The following HDAC9 variants were observed in gnomAD, a reference collection of about 807,000 sequenced individuals.
HDAC9 encodes the protein histone deacetylase 9.
In HDAC9, 41 loss-of-function variants were observed where a neutral mutation model predicts 139.4. That is an observed-to-expected ratio of 0.29 (90% CI 0.23 to 0.38). HDAC9 has a LOEUF of 0.38. Among genes scored for constraint, HDAC9 ranks in the 10% least tolerant of loss-of-function variants. The pLI is 1.00. For missense variants in HDAC9, 1,147 were observed against 1,297.0 expected, an observed-to-expected ratio of 0.88 and a Z score of 1.78; for synonymous variants, 517 against 476.2, an observed-to-expected ratio of 1.09 and a Z score of -1.12.
At chr7:18,796,030 C>T (rs992314555) in intron 17 of HDAC9, among the ~76,000 whole-genome samples, 22 of 152,210 alleles carry the variant, frequency 1.4e-4, no homozygotes, top group African/African-American at 5.1e-4. Flanking sequence ...TCAGTTCTCA[C>T]ATATTCTATC....
rs372385522 is a variant in HDAC9, at chr7:18,734,315, G to T, written c.1909+6558G>T. On this transcript the variant is annotated intron_variant, in intron 13 of 25. Coordinates refer to ENST00000686413, the MANE Select transcript of HDAC9 (RefSeq NM_178425.4). ...TACATAGGTACACATGTGCCATGTT[G>T]GTTTGCCGTACCCATCAACTTATCA... 1.1e-4 allele frequency among the ~76,000 whole-genome samples: 16 copies of T among 152,186 alleles called. 1 individual carries two copies. Among genetic ancestry groups the T allele is most frequent in the African/African-American group, 3.4e-4 (14 of 41,514 alleles).
At chr7:18,326,859 A>G (rs1221918692) in intron 1 of HDAC9, among the ~76,000 whole-genome samples, 1 of 152,014 alleles carries the variant, frequency 6.6e-6, no homozygotes, top group Non-Finnish European at 1.5e-5. Flanking sequence ...GGGAGAACTG[A>G]TGATGGGTAG....
chr7:18,991,701 T>C (rs927290151), intron 25 of HDAC9, among the ~76,000 whole-genome samples: 8 of 152,170 alleles, frequency 5.3e-5, no homozygotes, highest in Admixed American at 1.3e-4. Context: ...CACATACTTA[T>C]GAAAGTCATT....
At chr7:18,174,341 C>T (rs1380898122) in intron 2 of HDAC9, among the ~76,000 whole-genome samples, 3 of 152,106 alleles carry the variant, frequency 2.0e-5, no homozygotes, top group Non-Finnish European at 4.4e-5. Flanking sequence ...TTCTAGTGAG[C>T]CATTTGTCTA....
At chr7:18,737,903 T>A (rs980511608) in intron 13 of HDAC9, among the ~76,000 whole-genome samples, 6 of 152,184 alleles carry the variant, frequency 3.9e-5, no homozygotes, top group Non-Finnish European at 2.9e-5. Flanking sequence ...TAAGTCTCTT[T>A]GTATGTCTCT....
At chr7:18,163,567 C>A (rs1408941325) in intron 2 of HDAC9, among the ~76,000 whole-genome samples, 1 of 152,134 alleles carries the variant, frequency 6.6e-6, no homozygotes, top group South Asian at 2.1e-4. Context: ...GGGGACCACA[C>A]TTTGGGAATC....
chr7:18,418,308 A>G (rs1789283037), intron 1 of HDAC9, among the ~76,000 whole-genome samples: 1 of 152,170 alleles, frequency 6.6e-6, no homozygotes, highest in Admixed American at 6.5e-5. Flanking sequence ...TCAGAGAGTA[A>G]AACTCAAGAG....
intron 16 of HDAC9, among the ~76,000 whole-genome samples, chr7:18,778,093 T>G (rs1790932592): frequency 6.6e-6 from 1 of 151,956 alleles, no homozygotes; most frequent in Non-Finnish European, 1.5e-5. Flanking sequence ...ATTCCCAAGC[T>G]TTTAACCACA....
chr7:18,210,279 T>A (rs1342975942), intron 2 of HDAC9, among the ~76,000 whole-genome samples: 1 of 152,200 alleles, frequency 6.6e-6, no homozygotes. Context: ...AAACTTTGAA[T>A]TTATAATTAG....
At chr7:18,678,552 T>C (rs1562844611) in intron 12 of HDAC9, among the ~76,000 whole-genome samples, 1 of 151,886 alleles carries the variant, frequency 6.6e-6, no homozygotes, top group Non-Finnish European at 1.5e-5. Context: ...GCTGTACACA[T>C]CTTTTCTTCC....
chr7:18,824,893 T>C (rs566413983), intron 17 of HDAC9, among the ~76,000 whole-genome samples: 6 of 151,912 alleles, frequency 3.9e-5, no homozygotes, highest in Non-Finnish European at 7.4e-5. Flanking sequence ...CAGATATAAC[T>C]GCATACATTT....
chr7:18,695,779 GA>G (rs1442810531), intron 12 of HDAC9, among the ~76,000 whole-genome samples: 1 of 152,070 alleles, frequency 6.6e-6, no homozygotes, highest in East Asian at 1.9e-4. Context: ...TTTTTCTTAA[GA>G]AAAATCTATA....
upstream of HDAC9, among the ~76,000 whole-genome samples, chr7:18,286,933 A>G (rs1335315036): frequency 1.3e-5 from 2 of 152,142 alleles, no homozygotes; most frequent in African/African-American, 4.8e-5. Flanking sequence ...GTGGGCTCTG[A>G]CTATCTAATA....
intron 2 of HDAC9, among the ~76,000 whole-genome samples, chr7:18,528,085 T>G (rs757755762): frequency 1.3e-5 from 2 of 151,880 alleles, no homozygotes; most frequent in Non-Finnish European, 2.9e-5. Flanking sequence ...GAACTCAAGT[T>G]CAAGTGGAGT....
chr7:18,896,526 G>A (rs902049164), intron 22 of HDAC9, among the ~76,000 whole-genome samples: 2 of 152,150 alleles, frequency 1.3e-5, no homozygotes, highest in African/African-American at 2.4e-5. Flanking sequence ...AAGGAAGAGA[G>A]ACATCCTGTT....
intron 2 of HDAC9, among the ~76,000 whole-genome samples, chr7:18,281,793 T>C (rs1297243233): frequency 6.6e-6 from 1 of 152,158 alleles, no homozygotes. Context: ...AAGGTTAGAG[T>C]TAGTGTCCTG....
intron 1 of HDAC9, among the ~76,000 whole-genome samples, chr7:18,415,431 C>T (rs575832456): frequency 6.6e-6 from 1 of 152,220 alleles, no homozygotes; most frequent in South Asian, 2.1e-4. Flanking sequence ...AGGAACCTCA[C>T]AACTTGGTCC....
At chr7:18,721,025 TTTC>T (rs1216665753) in intron 12 of HDAC9, among the ~76,000 whole-genome samples, 1 of 152,104 alleles carries the variant, frequency 6.6e-6, no homozygotes, top group African/African-American at 2.4e-5. Flanking sequence ...TCTCTCTTAA[TTTC>T]TTCTTCTTCT....
At chr7:18,614,459 A>G (rs868324842) in intron 6 of HDAC9, among the ~76,000 whole-genome samples, 19 of 151,462 alleles carry the variant, frequency 1.3e-4, no homozygotes, top group African/African-American at 4.1e-4. Context: ...TCCCCCACCT[A>G]CTTTTTCTCA....
Sources: allele counts gnomAD v4.1 joint callset (sites outside exome capture counted in the v4.1 genomes callset), GRCh38; gene constraint gnomAD v4.1.1; transcripts MANE v1.5; gene names NCBI Gene and HGNC (gene_info 2026-07-23, HGNC 2026-07-21).